Variants in CPPED1 observed in about 807,000 individuals in gnomAD.
CPPED1 encodes the protein serine/threonine-protein phosphatase CPPED1.
Under a neutral mutation model 28.0 loss-of-function variants are expected in CPPED1, and 28 were observed. The observed-to-expected ratio is 1.00, with a 90% CI of 0.74 to 1.37. The LOEUF (loss-of-function observed/expected upper bound fraction) is 1.37. Ranked by LOEUF, CPPED1 falls within the 40% of genes most tolerant of loss-of-function variation. The pLI, the probability that CPPED1 is intolerant of heterozygous loss-of-function variation, is 0.00. For synonymous variants in CPPED1, 198 were observed against 180.2 expected (o/e 1.10, Z -0.79); for missense variants, 504 against 416.5 (o/e 1.21, Z -1.83).
At chr16:12,669,511 T>A (rs751862081) in intron 3 of CPPED1, among the ~76,000 whole-genome samples, 2 of 151,950 alleles carry the variant, frequency 1.3e-5, no homozygotes, top group African/African-American at 4.8e-5. Context: ...ATGCAAAAAA[T>A]TTACAGGAAG....
intron 1 of CPPED1, among the ~76,000 whole-genome samples, chr16:12,792,925 T>A (rs1238361383): frequency 6.6e-6 from 1 of 152,066 alleles, no homozygotes; most frequent in Non-Finnish European, 1.5e-5. Flanking sequence ...TGAGAACGGA[T>A]TAGTACACTT....
chr16:12,707,237 C>T (rs2080056245), intron 2 of CPPED1, among the ~76,000 whole-genome samples: 3 of 152,140 alleles, frequency 2.0e-5, no homozygotes, highest in South Asian at 4.1e-4. Context: ...ACCTCAAAGC[C>T]GCCCCTCTCA....
chr16:12,760,131 A>C (rs529819696), intron 2 of CPPED1, among the ~76,000 whole-genome samples: 1 of 152,338 alleles, frequency 6.6e-6, no homozygotes, highest in East Asian at 1.9e-4. Flanking sequence ...CTGTGTGCTG[A>C]GTATGACGCT....
At chr16:12,773,243 C>G (rs1206601060) in intron 2 of CPPED1, among the ~76,000 whole-genome samples, 1 of 152,176 alleles carries the variant, frequency 6.6e-6, no homozygotes, top group Non-Finnish European at 1.5e-5. Context: ...AAGAAGAGGT[C>G]ATCCTGCGTT....
At chr16:12,752,250 G>T (rs2080334757) in intron 2 of CPPED1, among the ~76,000 whole-genome samples, 1 of 152,174 alleles carries the variant, frequency 6.6e-6, no homozygotes, top group African/African-American at 2.4e-5. Context: ...ATTTTGGTGT[G>T]AAAAGCATCT....
chr16:12,705,524 G>A (rs528156956), intron 2 of CPPED1, among the ~76,000 whole-genome samples: 3 of 152,262 alleles, frequency 2.0e-5, no homozygotes, highest in South Asian at 2.1e-4. Flanking sequence ...TAGGGAGGCC[G>A]AGGCACGTGG....
intron 2 of CPPED1, among the ~76,000 whole-genome samples, chr16:12,763,181 G>A (rs12929639): frequency 6.6e-6 from 1 of 151,360 alleles, no homozygotes; most frequent in Non-Finnish European, 1.5e-5. Context: ...GCAGTGAGCC[G>A]AGATGGTGCC....
At position 12,691,848 on chromosome 16, in the gene CPPED1, G is replaced by GAT. The variant is rs1567277183; in HGVS notation, c.715+12775_715+12776insAT. On this transcript the variant is annotated intron_variant, in intron 3 of 3. Transcript: ENST00000381774. ...GAGGGGGGGAGGGATAGCATTAGGA[G>GAT]ACATGCCTAATGTTAAATGATGAGT... Among the ~76,000 whole-genome samples, 763 of 145,768 alleles carry GAT rather than the reference G, an allele frequency of 5.2e-3. 45 individuals are homozygous for GAT. Among genetic ancestry groups the GAT allele is most frequent in the African/African-American group, 0.019 (693 of 36,912 alleles).
At chr16:12,686,678 C>T (rs2079935120) in intron 3 of CPPED1, among the ~76,000 whole-genome samples, 1 of 152,098 alleles carries the variant, frequency 6.6e-6, no homozygotes, top group Admixed American at 6.6e-5. Flanking sequence ...GTAACCCTGG[C>T]CCATGTCTGT....
intron 2 of CPPED1, among the ~76,000 whole-genome samples, chr16:12,774,385 T>G (rs2080485985): frequency 6.6e-6 from 1 of 151,930 alleles, no homozygotes. Flanking sequence ...GGAGAATCAC[T>G]TGAACCCGGG....
At chr16:12,697,795 A>G (rs1045622699) in intron 3 of CPPED1, among the ~76,000 whole-genome samples, 1 of 152,124 alleles carries the variant, frequency 6.6e-6, no homozygotes, top group African/African-American at 2.4e-5. Context: ...TGACCCCTCT[A>G]GGCGAAGCAT....
Position 12,664,409 on chromosome 16 carries a change from T to C in CPPED1, c.*477A>G, listed in dbSNP as rs1164517367. 2.0e-6 allele frequency: 2 copies of C among 1,008,372 alleles called. No individual in the cohort carries two copies. Among genetic ancestry groups the C allele is most frequent in the East Asian group, 1.1e-4 (1 of 8,986 alleles). 62.5% of individuals were successfully genotyped at this position (1,008,372 alleles called of 1,614,324 possible). ...CAAGGGAGACAGCTGTTCGTTCCGC[T>C]GGAAAGGAAAGGAGATGAACTTTGT... On this transcript the variant is annotated 3_prime_UTR_variant, in exon 4 of 4. Coordinates refer to ENST00000381774, the MANE Select transcript of CPPED1 (RefSeq NM_018340.3). The surrounding 1 kb of genome is among the most constrained non-coding windows in gnomAD (Gnocchi z 4.2).
Position 12,704,718 on chromosome 16 carries a change from C to T in CPPED1, c.621G>A (p.Pro207=), listed in dbSNP as rs758514558. 6 of 1,614,208 alleles carry T rather than the reference C, an allele frequency of 3.7e-6. No homozygotes were observed. The highest frequency in any genetic ancestry group is 2.2e-5 in the East Asian group (1 of 44,888). Residue 207 remains proline (P), a synonymous_variant, in exon 3 of 4, where the codon CCG becomes CCA. Coordinates refer to ENST00000381774, the MANE Select transcript of CPPED1 (RefSeq NM_018340.3). ...CQHAIVFQHI[P]LFLESIDEDD... is the part of the protein sequence containing the mutation. ...CCTCGTCGATGCTCTCCAGGAACAG[C>T]GGGATGTGCTGGAAGACGATGGCAT...
At chr16:12,694,741 G>A (rs1314694964) in intron 3 of CPPED1, among the ~76,000 whole-genome samples, 1 of 116,154 alleles carries the variant, frequency 8.6e-6, no homozygotes, top group Non-Finnish European at 1.7e-5. Context: ...TGGGGGGGGG[G>A]GCGGGGGCAT....
chr16:12,677,757 C>A (rs771615367), intron 3 of CPPED1, among the ~76,000 whole-genome samples: 3 of 152,236 alleles, frequency 2.0e-5, no homozygotes, highest in Non-Finnish European at 4.4e-5. Flanking sequence ...CCTCTCATCC[C>A]CAAATCCTGT....
chr16:12,738,063 T>G (rs937311549), intron 2 of CPPED1, among the ~76,000 whole-genome samples: 1 of 152,218 alleles, frequency 6.6e-6, no homozygotes, highest in African/African-American at 2.4e-5. Flanking sequence ...CGTCGTGGCT[T>G]GGATTATTCT....
chr16:12,741,881 A>G (rs548650792), intron 2 of CPPED1, among the ~76,000 whole-genome samples: 1 of 152,210 alleles, frequency 6.6e-6, no homozygotes, highest in African/African-American at 2.4e-5. Flanking sequence ...CATCGCCAAC[A>G]TGGTGAAATC....
intron 3 of CPPED1, among the ~76,000 whole-genome samples, chr16:12,686,239 A>T (rs967084697): frequency 3.9e-4 from 45 of 116,408 alleles, no homozygotes; most frequent in Admixed American, 4.4e-4. Context: ...ATATATATAT[A>T]TATTTTTTTT....
chr16:12,688,450 T>A (rs2141176648), intron 3 of CPPED1, among the ~76,000 whole-genome samples: 1 of 151,746 alleles, frequency 6.6e-6, no homozygotes, highest in South Asian at 2.1e-4. Flanking sequence ...ATTATTCTCC[T>A]GCCTCAGCTT....
Sources: allele counts gnomAD v4.1 joint callset (sites outside exome capture counted in the v4.1 genomes callset), GRCh38; gene constraint gnomAD v4.1.1; non-coding constraint Gnocchi (gnomAD v3.1); transcripts MANE v1.5; gene names NCBI Gene and HGNC (gene_info 2026-07-23, HGNC 2026-07-21).